Variants in GMDS observed in about 807,000 individuals in gnomAD.
The protein encoded by GMDS is GDP-mannose 4,6-dehydratase.
Under a neutral mutation model 49.9 loss-of-function variants are expected in GMDS, and 20 were observed. The observed-to-expected ratio is 0.40, with a 90% CI of 0.28 to 0.58. The LOEUF (loss-of-function observed/expected upper bound fraction) is 0.58, where lower values mean the gene tolerates loss of function less well. Ranked by LOEUF, GMDS falls within the 20% of genes least tolerant of loss-of-function variation. The probability of loss-of-function intolerance (pLI) is 0.42; values close to 1 mark genes in which losing one functional copy is unlikely to be tolerated. For synonymous variants in GMDS, 177 were observed against 178.6 expected (o/e 0.99, Z 0.07); for missense variants, 362 against 481.4 (o/e 0.75, Z 2.32).
At chr6:1,826,871 A>G (rs546538706) in intron 7 of GMDS, among the ~76,000 whole-genome samples, 7 of 152,120 alleles carry the variant, frequency 4.6e-5, no homozygotes, top group African/African-American at 1.7e-4. Context: ...GTTTGAGAGT[A>G]GTCTGTGCAG....
intron 7 of GMDS, among the ~76,000 whole-genome samples, chr6:1,788,995 TG>T (rs1287855632): frequency 6.6e-6 from 1 of 152,172 alleles, no homozygotes; most frequent in Admixed American, 6.5e-5. Flanking sequence ...TATAACCAAC[TG>T]GTTATAAACC....
intron 1 of GMDS, among the ~76,000 whole-genome samples, chr6:2,217,805 A>G (rs1780408358): frequency 6.6e-6 from 1 of 152,114 alleles, no homozygotes; most frequent in Admixed American, 6.6e-5. Context: ...GTGCCCCCCA[A>G]AGCCCTGGAT....
At chr6:1,850,666 A>C (rs928098927) in intron 7 of GMDS, among the ~76,000 whole-genome samples, 1 of 152,226 alleles carries the variant, frequency 6.6e-6, no homozygotes, top group Non-Finnish European at 1.5e-5. Context: ...CTAGGAGGCT[A>C]ATAAGCACAG....
At chr6:1,710,761 A>C (rs1027424045) in intron 9 of GMDS, among the ~76,000 whole-genome samples, 3 of 152,136 alleles carry the variant, frequency 2.0e-5, no homozygotes, top group African/African-American at 4.8e-5. Context: ...GGTCCTAAGC[A>C]CACCCTCCCT....
At chr6:2,046,184 G>A (rs528138218) in intron 4 of GMDS, among the ~76,000 whole-genome samples, 24 of 152,260 alleles carry the variant, frequency 1.6e-4, no homozygotes, top group African/African-American at 5.5e-4. Context: ...CTGCACTCCA[G>A]CCTGGGCAAC....
intron 9 of GMDS, among the ~76,000 whole-genome samples, chr6:1,657,041 G>C (rs1763905824): frequency 6.6e-6 from 1 of 152,206 alleles, no homozygotes; most frequent in Non-Finnish European, 1.5e-5. Flanking sequence ...TTGCAGAGGG[G>C]CTCCTTGGTG....
chr6:1,725,183 T>C (rs1230917173), intron 9 of GMDS, among the ~76,000 whole-genome samples: 1 of 152,220 alleles, frequency 6.6e-6, no homozygotes, highest in South Asian at 2.1e-4. Context: ...ATATGAACGT[T>C]TCTCTCTAGA....
chr6:2,087,764 C>T (rs1395108460), intron 4 of GMDS, among the ~76,000 whole-genome samples: 1 of 152,182 alleles, frequency 6.6e-6, no homozygotes. Context: ...AGACCTAACA[C>T]AGTGTGCCTA....
At position 2,219,702 on chromosome 6, in the gene GMDS, C is replaced by T. The variant is rs555277137; in HGVS notation, c.102+25619G>A. Among the ~76,000 whole-genome samples, 98 of 152,318 alleles carry T rather than the reference C, an allele frequency of 6.4e-4. 2 individuals carry two copies. Among genetic ancestry groups the T allele is most frequent in the African/African-American group, 2.3e-3 (95 of 41,562 alleles). On this transcript the variant is annotated intron_variant, in intron 1 of 10. Coordinates refer to ENST00000380815, the MANE Select transcript of GMDS (RefSeq NM_001500.4). ...ACCGACCACACCAGTTAAAAGACCA[C>T]ACCTCCTGGGCACCAACTTAAACCA...
chr6:1,629,619 G>A (rs149232342), intron 9 of GMDS, among the ~76,000 whole-genome samples: 13 of 152,276 alleles, frequency 8.5e-5, no homozygotes, highest in Admixed American at 3.3e-4. Context: ...AATCAGCGAC[G>A]GTGTAGACTT....
chr6:1,973,118 T>A (rs1764710329), intron 4 of GMDS, among the ~76,000 whole-genome samples: 2 of 152,188 alleles, frequency 1.3e-5, no homozygotes, highest in African/African-American at 4.8e-5. Flanking sequence ...TCATCAGCCA[T>A]TTTGAAATCT....
chr6:1,668,333 C>T (rs536344291), intron 9 of GMDS, among the ~76,000 whole-genome samples: 6 of 152,086 alleles, frequency 3.9e-5, no homozygotes, highest in East Asian at 1.9e-4. Flanking sequence ...GAAATGACTT[C>T]GTAATATATC....
At chr6:2,186,747 A>G (rs1381970286) in intron 1 of GMDS, among the ~76,000 whole-genome samples, 1 of 152,246 alleles carries the variant, frequency 6.6e-6, no homozygotes, top group African/African-American at 2.4e-5. Flanking sequence ...CTGACTAATC[A>G]AGGTGAAGAA....
At chr6:1,873,103 A>G (rs778158305) in intron 7 of GMDS, among the ~76,000 whole-genome samples, 29 of 152,264 alleles carry the variant, frequency 1.9e-4, no homozygotes, top group Non-Finnish European at 3.7e-4. Flanking sequence ...GCATTCGGCA[A>G]GTCGCCCAGT....
At chr6:1,627,064 G>A (rs1762869812) in intron 9 of GMDS, among the ~76,000 whole-genome samples, 1 of 152,226 alleles carries the variant, frequency 6.6e-6, no homozygotes, top group South Asian at 2.1e-4. Context: ...GGAAGAAAAA[G>A]GATGAGGTCC....
intron 7 of GMDS, among the ~76,000 whole-genome samples, chr6:1,916,339 G>A (rs1388383919): frequency 6.6e-6 from 1 of 152,076 alleles, no homozygotes; most frequent in Non-Finnish European, 1.5e-5. Context: ...CACGTGCGGG[G>A]GTGGGGGGCT....
intron 6 of GMDS, among the ~76,000 whole-genome samples, chr6:1,942,575 G>C (rs1218680538): frequency 6.6e-6 from 1 of 152,162 alleles, no homozygotes; most frequent in Non-Finnish European, 1.5e-5. Flanking sequence ...AGAGAAAACA[G>C]TTTTCCTCCA....
intron 2 of GMDS, among the ~76,000 whole-genome samples, chr6:2,119,157 T>C (rs1775006167): frequency 6.6e-6 from 1 of 152,198 alleles, no homozygotes; most frequent in African/African-American, 2.4e-5. Context: ...TCGGCTATCT[T>C]CTCTAGATTG....
In GMDS at chr6:2,000,799, C is replaced by A. The variant is rs761098401; in HGVS notation, c.346-39833G>T. On this transcript the variant is annotated intron_variant, in intron 4 of 10. Transcript: ENST00000380815. Reference sequence around the variant, plus strand: ...ACCTTAGCCTCCCAAGTAACTGGAACTATAGGCATACACCACCATGCCCAG... The same window carrying A: ...ACCTTAGCCTCCCAAGTAACTGGAAATATAGGCATACACCACCATGCCCAG... Among the ~76,000 whole-genome samples the A allele has an allele frequency of 1.6e-3, 247 of 152,306 alleles. 1 individual carries two copies. Among genetic ancestry groups the A allele is most frequent in the Non-Finnish European group, 9.3e-4 (63 of 68,020 alleles).
Sources: gnomAD v4.1 joint callset for allele counts (sites outside exome capture counted in the v4.1 genomes callset) on GRCh38, gnomAD v4.1.1 for gene constraint, MANE v1.5 for transcripts, NCBI Gene and HGNC (gene_info 2026-07-23, HGNC 2026-07-21) for gene names.